The following DLGAP2 variants were observed in gnomAD, a reference collection of about 807,000 sequenced individuals.
The protein encoded by DLGAP2 is DLG associated protein 2, also known as disks large-associated protein 2.
DLGAP2 carries 26 observed loss-of-function variants against 100.3 expected under a neutral mutation model. The ratio of observed to expected loss-of-function variants is 0.26; its 90% CI spans 0.19 to 0.36. DLGAP2 has a LOEUF of 0.36. DLGAP2 is among the 10% of genes least tolerant of loss of function. DLGAP2 has a pLI of 1.00. For missense variants in DLGAP2, 1,858 were observed against 1,453.2 expected (o/e 1.28, Z -4.53); for synonymous variants, 886 against 630.1 (o/e 1.41, Z -6.08).
chr8:1,540,211 G>A (rs540987331), intron 4 of DLGAP2, among the ~76,000 whole-genome samples: 24 of 152,306 alleles, frequency 1.6e-4, no homozygotes, highest in Middle Eastern at 3.4e-3. Context: ...TTGTCCCAGC[G>A]GGTAAAGGCC....
chr8:993,933 A>G (rs568864006), intron 2 of DLGAP2, among the ~76,000 whole-genome samples: 1 of 151,614 alleles, frequency 6.6e-6, no homozygotes, highest in Non-Finnish European at 1.5e-5. Flanking sequence ...CCCGGCTGGT[A>G]ATTTTCCCTT....
chr8:1,254,629 C>T (rs963697044), intron 2 of DLGAP2, among the ~76,000 whole-genome samples: 10 of 152,136 alleles, frequency 6.6e-5, no homozygotes, highest in Admixed American at 2.6e-4. Flanking sequence ...TTCAGAGCTT[C>T]GTGCTCTCAT....
chr8:1,381,831 C>G (rs941174657), intron 3 of DLGAP2, among the ~76,000 whole-genome samples: 1 of 136,696 alleles, frequency 7.3e-6, no homozygotes, highest in Non-Finnish European at 1.6e-5. Context: ...GTGTTTGTAT[C>G]ACATTTTCAA....
At chr8:811,307 G>C (rs1796365852) in intron 1 of DLGAP2, among the ~76,000 whole-genome samples, 1 of 152,262 alleles carries the variant, frequency 6.6e-6, no homozygotes, top group African/African-American at 2.4e-5. Context: ...TGGGGGCCCT[G>C]CCAGGGCTCC....
intron 8 of DLGAP2, among the ~76,000 whole-genome samples, chr8:1,664,351 C>T (rs551158163): frequency 2.6e-4 from 39 of 152,266 alleles, no homozygotes; most frequent in African/African-American, 8.4e-4. Context: ...CAGCTCCATC[C>T]ATCTCAAGGC....
chr8:1,522,345 A>G (rs975165491), intron 4 of DLGAP2, among the ~76,000 whole-genome samples: 2 of 152,216 alleles, frequency 1.3e-5, no homozygotes, highest in African/African-American at 4.8e-5. Context: ...TGAAAGCCGA[A>G]ACAGCTGAGT....
intron 3 of DLGAP2, among the ~76,000 whole-genome samples, chr8:1,316,238 C>G (rs1486453077): frequency 1.5e-5 from 2 of 129,256 alleles, no homozygotes; most frequent in Non-Finnish European, 3.3e-5. Flanking sequence ...GGTCTACACT[C>G]GAGAAACTCG....
intron 2 of DLGAP2, among the ~76,000 whole-genome samples, chr8:1,221,945 G>C (rs1031959978): frequency 1.3e-5 from 2 of 152,064 alleles, no homozygotes; most frequent in Non-Finnish European, 2.9e-5. Context: ...TTTATTTCCA[G>C]TTCTGTTTGG....
rs147817757 is a variant in DLGAP2 at position 1,575,016 on chromosome 8, CAGAG to C, written c.1442+9127_1442+9130del. On this transcript the variant is annotated intron_variant, in intron 6 of 14. Transcript: ENST00000637795. ...TGTGCACACACTCACTACACAGGGA[CAGAG>C]AGAGGCAAGCGAGGGAGAAACGCAA... Among the ~76,000 whole-genome samples the C allele has an allele frequency of 2.7e-3, 410 of 152,268 alleles. 1 individual carries two copies. The highest frequency in any genetic ancestry group is 0.014 in the Middle Eastern group (4 of 294).
At chr8:1,634,591 A>G (rs1013452253) in intron 8 of DLGAP2, among the ~76,000 whole-genome samples, 1 of 152,204 alleles carries the variant, frequency 6.6e-6, no homozygotes, top group African/African-American at 2.4e-5. Context: ...AGAATCAGGG[A>G]AGTAATGAGA....
At chr8:1,382,299 G>A (rs78572540) in intron 3 of DLGAP2, among the ~76,000 whole-genome samples, 10 of 152,346 alleles carry the variant, frequency 6.6e-5, no homozygotes, top group Admixed American at 3.3e-4. Context: ...CCGTCTTCAC[G>A]TTGAGTGGGC....
intron 3 of DLGAP2, among the ~76,000 whole-genome samples, chr8:1,334,024 G>A (rs190236061): frequency 3.3e-5 from 5 of 152,236 alleles, no homozygotes; most frequent in African/African-American, 7.2e-5. Flanking sequence ...GCTTCCTTGC[G>A]TGAGGAAGGC....
At chr8:1,434,508 ACT>A (rs1797559192) in intron 3 of DLGAP2, among the ~76,000 whole-genome samples, 1 of 151,374 alleles carries the variant, frequency 6.6e-6, no homozygotes, top group East Asian at 1.9e-4. Flanking sequence ...ACAGTGTCTC[ACT>A]CTGTTTCCCA....
In DLGAP2 at chr8:947,912, C is replaced by T. The variant is rs111632447; in HGVS notation, c.73+39946C>T. On this transcript the variant is annotated intron_variant, in intron 2 of 14. Coordinates refer to ENST00000637795, the MANE Select transcript of DLGAP2 (RefSeq NM_001346810.2). ...GTGTGGGCCATGGCCCCACCGAACC[C>T]GTGCCAACCCGCGTGTGCCATGGGT... Among the ~76,000 whole-genome samples, 279 of 148,746 alleles carry T rather than the reference C, an allele frequency of 1.9e-3. 2 individuals carry two copies. The highest frequency in any genetic ancestry group is 6.5e-3 in the African/African-American group (261 of 40,316).
intron 12 of DLGAP2, among the ~76,000 whole-genome samples, chr8:1,687,884 A>T (rs184475674): frequency 6.6e-6 from 1 of 152,228 alleles, no homozygotes; most frequent in Non-Finnish European, 1.5e-5. Context: ...CGACTTACTT[A>T]AAATAGTCCC....
intron 2 of DLGAP2, among the ~76,000 whole-genome samples, chr8:1,121,459 C>T (rs982502967): frequency 6.6e-6 from 1 of 151,992 alleles, no homozygotes; most frequent in African/African-American, 2.4e-5. Context: ...AACACATGAC[C>T]TCCCATCCTC....
chr8:1,419,569 C>T (rs543941089), intron 3 of DLGAP2, among the ~76,000 whole-genome samples: 1 of 151,978 alleles, frequency 6.6e-6, no homozygotes, highest in Admixed American at 6.6e-5. Context: ...GATACGTGTA[C>T]ATAATGTATA....
At chr8:1,256,324 G>A (rs1799215000) in intron 2 of DLGAP2, among the ~76,000 whole-genome samples, 1 of 118,046 alleles carries the variant, frequency 8.5e-6, no homozygotes, top group African/African-American at 3.8e-5. Flanking sequence ...CTCTCATCCT[G>A]TCTGGGTGCC....
chr8:777,814 T>C (rs1360882527), intron 1 of DLGAP2, among the ~76,000 whole-genome samples: 2 of 152,206 alleles, frequency 1.3e-5, no homozygotes, highest in African/African-American at 4.8e-5. Context: ...TTGGTGAATC[T>C]GACAGTTATG....
Sources: allele counts gnomAD v4.1 joint callset (sites outside exome capture counted in the v4.1 genomes callset), GRCh38; gene constraint gnomAD v4.1.1; transcripts MANE v1.5; gene names NCBI Gene and HGNC (gene_info 2026-07-23, HGNC 2026-07-21).